The following PCDHA2 variants were observed in gnomAD, a reference collection of about 807,000 sequenced individuals.
The protein encoded by PCDHA2 is protocadherin alpha-2.
A neutral mutation model predicts 66.0 loss-of-function variants in PCDHA2; 58 were observed. That is an observed-to-expected ratio of 0.88 (90% CI 0.71 to 1.09). PCDHA2 has a LOEUF of 1.09. Among genes scored for constraint, PCDHA2 ranks in the 50% least tolerant of loss-of-function variants. PCDHA2 has a pLI of 0.00. For missense variants in PCDHA2, 1,267 were observed against 1,242.3 expected (o/e 1.02, Z -0.30); for synonymous variants, 634 against 554.0 (o/e 1.14, Z -2.03).
intron 1 of PCDHA2, chr5:140,808,438 C>A (rs7702779): frequency 2.5e-6 from 4 of 1,614,044 alleles, no homozygotes; most frequent in Non-Finnish European, 3.4e-6. Context: ...ACCGCGAGAG[C>A]GTGTCAGCCT....
chr5:140,856,258 C>G, intron 1 of PCDHA2: 1 of 1,598,068 alleles, frequency 6.3e-7, no homozygotes, highest in South Asian at 1.1e-5. Context: ...CCAAAAGACA[C>G]GGGGACCTTC....
intron 1 of PCDHA2, chr5:140,841,708 C>T: frequency 6.2e-7 from 1 of 1,613,888 alleles, no homozygotes. Context: ...TTAATGACAA[C>T]CCGCCAGTGT....
chr5:140,864,430 A>G (rs2048477187), intron 1 of PCDHA2: 1 of 152,190 alleles, frequency 6.6e-6, no homozygotes, highest in South Asian at 2.1e-4. Flanking sequence ...GTCCACAAAC[A>G]ATTTTGTTTC....
At chr5:141,006,033 G>A (rs1162099125) in intron 3 of PCDHA2, among the ~76,000 whole-genome samples, 1 of 151,252 alleles carries the variant, frequency 6.6e-6, no homozygotes, top group Non-Finnish European at 1.5e-5. Context: ...TAGTAAGAGG[G>A]AGATTTGTAG....
intron 1 of PCDHA2, chr5:140,848,769 C>T: frequency 1.3e-6 from 2 of 1,593,410 alleles, no homozygotes; most frequent in Non-Finnish European, 1.7e-6. Flanking sequence ...TCGGATCGAC[C>T]GCGAGGAGCT....
intron 1 of PCDHA2, among the ~76,000 whole-genome samples, chr5:140,913,340 C>G (rs1276320319): frequency 6.6e-6 from 1 of 152,024 alleles, no homozygotes; most frequent in African/African-American, 2.4e-5. Context: ...GGAATTTATC[C>G]ATTTCCTCTA....
In PCDHA2 at chr5:140,823,824, G is replaced by T. The variant is rs2150129462; in HGVS notation, c.2388+26472G>T. On this transcript the variant is annotated intron_variant, in intron 1 of 3. Coordinates refer to ENST00000526136, the MANE Select transcript of PCDHA2 (RefSeq NM_018905.3). ...CGAAGGCCTCATCGCGGGCGTCGGC[G>T]GGCGCTGTGGGTCCCGAGGCTGCCC... 71 of 1,613,814 alleles carry T rather than the reference G, an allele frequency of 4.4e-5. No individual in the cohort carries two copies. The Admixed American group carries it at 6.3e-4, about 14-fold the overall frequency.
intron 1 of PCDHA2, chr5:140,849,333 T>G: frequency 2.9e-6 from 4 of 1,383,164 alleles, no homozygotes; most frequent in Non-Finnish European, 4.0e-6. Context: ...TATTATTTAC[T>G]CCTTCTCCAG....
At chr5:140,988,424 G>C (rs1563549055) in intron 3 of PCDHA2, among the ~76,000 whole-genome samples, 1 of 152,158 alleles carries the variant, frequency 6.6e-6, no homozygotes, top group Non-Finnish European at 1.5e-5. Context: ...TAAAGAATTT[G>C]TTTGTTTTGG....
chr5:140,967,520 G>A, intron 1 of PCDHA2: 1 of 1,612,918 alleles, frequency 6.2e-7, no homozygotes, highest in East Asian at 2.2e-5. Context: ...GGACACTAAC[G>A]ACAACTCTCC....
At chr5:140,845,376 G>A (rs1779847129) in intron 1 of PCDHA2, among the ~76,000 whole-genome samples, 1 of 149,336 alleles carries the variant, frequency 6.7e-6, no homozygotes, top group Non-Finnish European at 1.5e-5. Context: ...ATCATAAATA[G>A]GAGGATTCTT....
intron 1 of PCDHA2, chr5:140,823,594 T>C (rs1562273356): frequency 6.2e-7 from 1 of 1,613,998 alleles, no homozygotes; most frequent in Non-Finnish European, 8.5e-7. Context: ...CGCTTGGCTT[T>C]CGTATGAGCT....
At chr5:140,983,740 C>A (rs1250895126) in intron 3 of PCDHA2, among the ~76,000 whole-genome samples, 1 of 152,190 alleles carries the variant, frequency 6.6e-6, no homozygotes, top group African/African-American at 2.4e-5. Context: ...GGCTGGCTTG[C>A]AATAATCCAT....
intron 1 of PCDHA2, among the ~76,000 whole-genome samples, chr5:140,894,455 T>C (rs1316862860): frequency 6.6e-6 from 1 of 152,000 alleles, no homozygotes; most frequent in Non-Finnish European, 1.5e-5. Flanking sequence ...TTAAAAAATA[T>C]TTTACTTTTT....
chr5:140,836,283 A>C, intron 1 of PCDHA2: 1 of 1,613,716 alleles, frequency 6.2e-7, no homozygotes, highest in Non-Finnish European at 8.5e-7. Context: ...GATCAGCACG[A>C]CACGAGCCCT....
intron 1 of PCDHA2, among the ~76,000 whole-genome samples, chr5:140,838,813 T>C (rs1372139803): frequency 6.6e-6 from 1 of 151,884 alleles, no homozygotes; most frequent in Non-Finnish European, 1.5e-5. Context: ...TTTCAGCTAC[T>C]CAAGAAACTG....
intron 1 of PCDHA2, chr5:140,843,437 G>A: frequency 6.3e-7 from 1 of 1,596,076 alleles, no homozygotes; most frequent in Non-Finnish European, 8.6e-7. Context: ...CGCCATCTGC[G>A]CGGTATCCAG....
chr5:140,843,218 A>C, intron 1 of PCDHA2: 1 of 1,596,010 alleles, frequency 6.3e-7, no homozygotes, highest in Non-Finnish European at 8.6e-7. Context: ...CGAGATCAGC[A>C]CCACTCGTGT....
chr5:140,881,596 T>G (rs1420240994), intron 1 of PCDHA2, among the ~76,000 whole-genome samples: 1 of 152,240 alleles, frequency 6.6e-6, no homozygotes, highest in African/African-American at 2.4e-5. Flanking sequence ...GGAAATTTAT[T>G]AATATGATGT....
Sources: allele counts gnomAD v4.1 joint callset (sites outside exome capture counted in the v4.1 genomes callset), GRCh38; gene constraint gnomAD v4.1.1; transcripts MANE v1.5; gene names NCBI Gene and HGNC (gene_info 2026-07-23, HGNC 2026-07-21).